TSC22D1: variants seen among roughly 807,000 people sequenced by gnomAD.
TSC22D1 encodes TSC22 domain family protein 1.
In TSC22D1, 9 loss-of-function variants were observed where a neutral mutation model predicts 74.2. The ratio of observed to expected loss-of-function variants is 0.12; its 90% CI spans 0.07 to 0.21. TSC22D1 has a LOEUF of 0.21. Ranked by LOEUF, TSC22D1 falls within the 10% of genes least tolerant of loss-of-function variation. The pLI is 1.00. For synonymous variants in TSC22D1, 586 were observed against 492.5 expected (o/e 1.19, Z -2.51); for missense variants, 1,427 against 1,304.7 (o/e 1.09, Z -1.44).
chr13:44,539,679 C>A (rs1281677610), intron 1 of TSC22D1: 4 of 1,170,074 alleles, frequency 3.4e-6, no homozygotes, highest in Non-Finnish European at 4.3e-6. Context: ...CTTAAATGAA[C>A]CCAAGGAGTT....
intron 1 of TSC22D1, among the ~76,000 whole-genome samples, chr13:44,487,567 A>AATG (rs1878502508): frequency 6.6e-6 from 1 of 151,418 alleles, no homozygotes; most frequent in Non-Finnish European, 1.5e-5. Context: ...TTTTATGAAC[A>AATG]ATGTAAAAAT....
At chr13:44,442,316 CAT>C (rs1381533581) in intron 1 of TSC22D1, among the ~76,000 whole-genome samples, 1 of 152,118 alleles carries the variant, frequency 6.6e-6, no homozygotes, top group African/African-American at 2.4e-5. Flanking sequence ...AAATATCACT[CAT>C]GAGGAGAAAA....
At chr13:44,562,365 T>C (rs1052331597) in intron 1 of TSC22D1, among the ~76,000 whole-genome samples, 1 of 152,196 alleles carries the variant, frequency 6.6e-6, no homozygotes, top group African/African-American at 2.4e-5. Flanking sequence ...TCTTTATATA[T>C]GTATCTACAA....
chr13:44,436,460 A>T, intron 1 of TSC22D1: 1 of 1,598,332 alleles, frequency 6.3e-7, no homozygotes, highest in Non-Finnish European at 8.6e-7. Flanking sequence ...TATTATAAGT[A>T]TCCCACGAAT....
chr13:44,460,978 T>C (rs1305619552), intron 1 of TSC22D1, among the ~76,000 whole-genome samples: 2 of 152,202 alleles, frequency 1.3e-5, no homozygotes. Flanking sequence ...CACAGACCAG[T>C]AGAACAGAGA....
Position 44,576,329 on chromosome 13 carries a change from T to C in TSC22D1, c.-255A>G. On this transcript the variant is annotated 5_prime_UTR_variant, in exon 1 of 3. Transcript: ENST00000458659. Reference sequence around the variant, plus strand: ...TCCCTTCAGTCCTTCGCCATTCACTTTCCCCTCTAGCCTCACACCCCCCTT... The same window carrying C: ...TCCCTTCAGTCCTTCGCCATTCACTCTCCCCTCTAGCCTCACACCCCCCTT... 1 of 502,394 alleles carries C rather than the reference T, an allele frequency of 2.0e-6. No homozygotes were observed. The highest frequency in any genetic ancestry group is 3.5e-6 in the Non-Finnish European group (1 of 285,576). 31.1% of individuals were successfully genotyped at this position (502,394 alleles called of 1,614,324 possible). A position where few individuals can be genotyped will look rare whatever the true frequency, so the allele number is the denominator to read the frequency against.
At chr13:44,469,905 G>A (rs1877502511) in intron 1 of TSC22D1, among the ~76,000 whole-genome samples, 1 of 152,138 alleles carries the variant, frequency 6.6e-6, no homozygotes, top group South Asian at 2.1e-4. Context: ...CTTCTCTGGA[G>A]CTCTTATAAA....
At chr13:44,488,686 G>C (rs182263817) in intron 1 of TSC22D1, among the ~76,000 whole-genome samples, 1 of 152,174 alleles carries the variant, frequency 6.6e-6, no homozygotes, top group Admixed American at 6.5e-5. Context: ...TTAGCAAAAT[G>C]GCTAATTGCA....
At chr13:44,554,923 G>C (rs1882530316) in intron 1 of TSC22D1, among the ~76,000 whole-genome samples, 1 of 152,014 alleles carries the variant, frequency 6.6e-6, no homozygotes, top group African/African-American at 2.4e-5. Flanking sequence ...ATTACTGAAT[G>C]AATGGTACTA....
intron 1 of TSC22D1, among the ~76,000 whole-genome samples, chr13:44,508,105 T>C (rs1359118421): frequency 6.6e-6 from 1 of 152,246 alleles, no homozygotes; most frequent in Non-Finnish European, 1.5e-5. Context: ...AAAATGGTGC[T>C]TGCAGCTAGG....
At position 44,450,489 on chromosome 13, in the gene TSC22D1, G is replaced by A. The variant is rs529036987; in HGVS notation, c.2913-14394C>T. 2.0e-5 allele frequency among the ~76,000 whole-genome samples: 3 copies of A among 152,170 alleles called. No individual in the cohort carries two copies. The South Asian group carries it at 6.2e-4, about 31-fold the overall frequency. On this transcript the variant is annotated intron_variant, in intron 1 of 2. Transcript: ENST00000458659. The stretch of plus-strand genomic sequence containing the variant: ...ACAATGTATAAGACTACAAGAGATG[G>A]AACTGGGGGTAAAAGGAAGGAAATA...
At position 44,575,165 on chromosome 13, in the gene TSC22D1, T is replaced by A. The variant is rs1366566427; in HGVS notation, c.910A>T (p.Ile304Leu). The change falls in exon 1 of 3, where the codon ATA becomes TTA. Residue 304 changes from isoleucine to leucine, a missense_variant. By Grantham distance (5) the Ile-to-Leu change is conservative. Coordinates refer to ENST00000458659, the MANE Select transcript of TSC22D1 (RefSeq NM_183422.4). The part of the protein sequence containing the change: ...RAPSTTGGIG[I>L]NSVTGTSTVN... The stretch of plus-strand genomic sequence containing the variant: ...GTACTAGTGCCAGTAACAGAATTTA[T>A]ACCTATTCCACCTGTAGTACTTGGA... 6.2e-7 allele frequency: 1 copy of A among 1,614,162 alleles called. No individual in the cohort carries two copies. The highest frequency in any genetic ancestry group is 2.2e-5 in the East Asian group (1 of 44,894).
chr13:44,575,932 A>C lies in TSC22D1; in HGVS notation c.143T>G (p.Val48Gly), dbSNP rs751650153. The change falls in exon 1 of 3, where the codon GTC becomes GGC. Residue 48 changes from valine (V) to glycine (G), a missense_variant. Transcript: ENST00000458659. ...ASALNAAGTG[V>G]GSNATSSEDF... ...CTCGGAAGATGTGGCATTACTACCGACGCCGGTACCTGCTGCATTGAGAGC... is the reference window on the plus strand; with the variant it reads ...CTCGGAAGATGTGGCATTACTACCGCCGCCGGTACCTGCTGCATTGAGAGC... 1.2e-6 allele frequency: 2 copies of C among 1,612,816 alleles called. No homozygotes were observed. Among genetic ancestry groups the C allele is most frequent in the South Asian group, 2.2e-5 (2 of 90,952 alleles).
chr13:44,565,870 T>C (rs1883340740), intron 1 of TSC22D1, among the ~76,000 whole-genome samples: 1 of 152,170 alleles, frequency 6.6e-6, no homozygotes, highest in African/African-American at 2.4e-5. Context: ...AGAAATAAAA[T>C]TTACATGTTT....
chr13:44,451,312 T>C (rs927635295), intron 1 of TSC22D1: 8 of 152,202 alleles, frequency 5.3e-5, no homozygotes, highest in African/African-American at 1.9e-4. Flanking sequence ...CCCACCTCCA[T>C]GCTAGCGCAC....
chr13:44,443,625 A>G (rs2138877686), intron 1 of TSC22D1, among the ~76,000 whole-genome samples: 1 of 152,262 alleles, frequency 6.6e-6, no homozygotes, highest in East Asian at 1.9e-4. Flanking sequence ...GAGGTGGGAG[A>G]ACCACTTGAG....
At chr13:44,564,432 C>T (rs1056817302) in intron 1 of TSC22D1, among the ~76,000 whole-genome samples, 1 of 152,082 alleles carries the variant, frequency 6.6e-6, no homozygotes, top group Non-Finnish European at 1.5e-5. Context: ...TAGATTGGTA[C>T]GTCAGAGGCA....
intron 1 of TSC22D1, among the ~76,000 whole-genome samples, chr13:44,482,242 T>G (rs1468825925): frequency 3.9e-5 from 6 of 152,142 alleles, no homozygotes; most frequent in Non-Finnish European, 8.8e-5. Context: ...AGATTGAGCT[T>G]TAGAGAGGTT....
At chr13:44,517,255 C>T (rs1370867665) in intron 1 of TSC22D1, among the ~76,000 whole-genome samples, 2 of 152,044 alleles carry the variant, frequency 1.3e-5, no homozygotes, top group Non-Finnish European at 2.9e-5. Context: ...TTTTTGTACA[C>T]AATGTGCTCT....
Sources: allele counts gnomAD v4.1 joint callset (sites outside exome capture counted in the v4.1 genomes callset), GRCh38; gene constraint gnomAD v4.1.1; transcripts MANE v1.5; gene names NCBI Gene and HGNC (gene_info 2026-07-23, HGNC 2026-07-21).